The following ANKRD31 variants were observed in gnomAD, a reference collection of about 807,000 sequenced individuals.
The protein encoded by ANKRD31 is ankyrin repeat domain-containing protein 31.
In ANKRD31, 147 loss-of-function variants were observed where a neutral mutation model predicts 186.0. The ratio of observed to expected loss-of-function variants is 0.79; its 90% CI spans 0.69 to 0.91. ANKRD31 has a LOEUF of 0.91. ANKRD31 is among the 40% of genes least tolerant of loss of function. ANKRD31 has a pLI of 0.00. For synonymous variants in ANKRD31, 673 were observed against 736.4 expected (o/e 0.91, Z 1.39); for missense variants, 1,986 against 2,148.8 (o/e 0.92, Z 1.50).
intron 4 of ANKRD31, among the ~76,000 whole-genome samples, chr5:75,208,527 G>A (rs1756401394): frequency 6.6e-6 from 1 of 151,290 alleles, no homozygotes; most frequent in Admixed American, 6.6e-5. Flanking sequence ...AAAATAAAAT[G>A]GTCTTAAAAT....
rs368899709 is a variant in ANKRD31, at chr5:75,084,269, T to C, written c.5575+3A>G. The C allele has an allele frequency of 1.1e-3, 1,733 of 1,530,542 alleles. 2 individuals carry two copies. The highest frequency in any genetic ancestry group is 2.6e-3 in the South Asian group (216 of 83,924). The allele number at this position is 1,530,542 out of a possible 1,614,324, so 94.8% of individuals were successfully genotyped here. ...GAAGAAATGAGTGTTGTTCTGTACA[T>C]ACCTGGAAGACAAGGTTGATATTGC... On this transcript the variant is annotated splice_donor_region_variant and intron_variant, in intron 24 of 25. Transcript: ENST00000506364.
In ANKRD31 at chr5:75,130,554, T is replaced by G. The variant is rs1327142645; in HGVS notation, c.3876+7302A>C. 2.6e-5 allele frequency among the ~76,000 whole-genome samples: 4 copies of G among 152,334 alleles called. No homozygotes were observed. The East Asian group carries it at 5.8e-4, about 22-fold the overall frequency. On this transcript the variant is annotated intron_variant, in intron 17 of 25. Coordinates refer to ENST00000506364, the MANE Select transcript of ANKRD31 (RefSeq NM_001372053.1). ...GTGCTGATTGGTGCATTTACAAACC[T>G]TTAGCTAGACGTAGAGCGCTGATTG...
In ANKRD31 at chr5:75,114,855, G is replaced by T. The variant is rs1417671119; in HGVS notation, c.4155+1711C>A. ...GCCCAAGGTAATTTACAGATTCAAT[G>T]CCATCCCCATCAAGCTACCAATGAC... On this transcript the variant is annotated intron_variant, in intron 19 of 25. Coordinates refer to ENST00000506364, the MANE Select transcript of ANKRD31 (RefSeq NM_001372053.1). Among the ~76,000 whole-genome samples, 7 of 152,206 alleles carry T rather than the reference G, an allele frequency of 4.6e-5. No homozygotes were observed. The East Asian group carries it at 1.3e-3, about 29-fold the overall frequency.
chr5:75,142,629 G>A (rs1207480027), intron 15 of ANKRD31, among the ~76,000 whole-genome samples: 3 of 152,080 alleles, frequency 2.0e-5, no homozygotes, highest in South Asian at 2.1e-4. Flanking sequence ...AATACTTGTC[G>A]ATTCTTGACT....
intron 10 of ANKRD31, among the ~76,000 whole-genome samples, chr5:75,182,038 G>T (rs933650412): frequency 3.9e-5 from 6 of 152,028 alleles, no homozygotes; most frequent in African/African-American, 1.4e-4. Flanking sequence ...ATTTCAAGAT[G>T]GATAGATATC....
In ANKRD31 at chr5:75,114,159, T is replaced by C. The variant is rs143916148; in HGVS notation, c.4156-1559A>G. ...TTTTTTTTCAAAAGTTACCTTTACATGATGGGTTTCGCAGCAAAGTTTATT... is the reference window on the plus strand; with the variant it reads ...TTTTTTTTCAAAAGTTACCTTTACACGATGGGTTTCGCAGCAAAGTTTATT... On this transcript the variant is annotated intron_variant, in intron 19 of 25. Transcript: ENST00000506364. Among the ~76,000 whole-genome samples the C allele has an allele frequency of 2.5e-3, 375 of 152,286 alleles. 8 individuals carry two copies. In the East Asian group the frequency reaches 0.029, roughly 12 times the overall value.
rs149637003 is a variant in ANKRD31 at position 75,085,816 on chromosome 5, T to C, written c.5473-1442A>G. On this transcript the variant is annotated intron_variant, in intron 23 of 25. Coordinates refer to ENST00000506364, the MANE Select transcript of ANKRD31 (RefSeq NM_001372053.1). ...TATGAGGATTAAAAGAGATAATGCA[T>C]GAAAAGCATCTGGCATACTGTCTAG... 7.7e-4 allele frequency among the ~76,000 whole-genome samples: 118 copies of C among 152,342 alleles called. 1 individual carries two copies. Among genetic ancestry groups the C allele is most frequent in the African/African-American group, 2.7e-3 (112 of 41,586 alleles).
chr5:75,222,388 A>G (rs1404538829), intron 2 of ANKRD31, 30 bp from the exon 3 acceptor site: 34 of 1,474,512 alleles, frequency 2.3e-5, no homozygotes, highest in Non-Finnish European at 3.0e-5. Context: ...TAAATCATTT[A>G]CAACAGTTTT....
At chr5:75,217,922 C>A (rs757296095) in intron 3 of ANKRD31, among the ~76,000 whole-genome samples, 16 of 152,082 alleles carry the variant, frequency 1.1e-4, no homozygotes, top group Non-Finnish European at 1.8e-4. Context: ...TTTAGGGCTT[C>A]TTTTAGGAGC....
chr5:75,096,431 A>G (rs1456000823), intron 22 of ANKRD31, among the ~76,000 whole-genome samples: 1 of 152,080 alleles, frequency 6.6e-6, no homozygotes, highest in Non-Finnish European at 1.5e-5. Flanking sequence ...AGGTGGATAG[A>G]TTGCAAAATT....
intron 11 of ANKRD31, among the ~76,000 whole-genome samples, chr5:75,156,413 G>T (rs1752178050): frequency 1.3e-5 from 2 of 152,146 alleles, no homozygotes; most frequent in Non-Finnish European, 2.9e-5. Flanking sequence ...TGCAAAAAAA[G>T]TTAAAAATTA....
intron 17 of ANKRD31, among the ~76,000 whole-genome samples, chr5:75,121,736 G>T (rs979962563): frequency 6.6e-6 from 1 of 151,956 alleles, no homozygotes; most frequent in South Asian, 2.1e-4. Context: ...AATTAAGAAA[G>T]AATTAAAATA....
rs779061577 is a variant in ANKRD31 at position 75,140,265 on chromosome 5, AGGAAAG to A, written c.3596-1288_3596-1283del. Among the ~76,000 whole-genome samples, 3 of 39,140 alleles carry A rather than the reference AGGAAAG, an allele frequency of 7.7e-5. No individual in the cohort carries two copies. The South Asian group carries it at 3.6e-3, about 47-fold the overall frequency. 25.7% of individuals were successfully genotyped at this position (39,140 alleles called of 152,430 possible). A position where few individuals can be genotyped will look rare whatever the true frequency, so the allele number is the denominator to read the frequency against. ...AAGGAAGGAAGGAAGGAAGGAAGGA[AGGAAAG>A]AGAGAGAGAGAAAGAAAGGAAGGAA... On this transcript the variant is annotated intron_variant, in intron 15 of 25. Coordinates refer to ENST00000506364, the MANE Select transcript of ANKRD31 (RefSeq NM_001372053.1).
At chr5:75,089,684 C>A (rs565605597) in intron 23 of ANKRD31, among the ~76,000 whole-genome samples, 1 of 152,040 alleles carries the variant, frequency 6.6e-6, no homozygotes, top group South Asian at 2.1e-4. Flanking sequence ...TTTAAAACTC[C>A]GTTTTCATTT....
At position 75,192,657 on chromosome 5, in the gene ANKRD31, T is replaced by G. The variant is rs1755191284; in HGVS notation, c.1408+10A>C. On this transcript the variant is annotated intron_variant, in intron 9 of 25. Transcript: ENST00000506364. Reference sequence around the variant, plus strand: ...AAAAGAAATAGAAAAATACTCAAAATATGCATCACCTTTTTTTCCTGAAAA... The same window carrying G: ...AAAAGAAATAGAAAAATACTCAAAAGATGCATCACCTTTTTTTCCTGAAAA... 2 of 1,489,584 alleles carry G rather than the reference T, an allele frequency of 1.3e-6. No homozygotes were observed. The highest frequency in any genetic ancestry group is 9.0e-7 in the Non-Finnish European group (1 of 1,108,660). The allele number at this position is 1,489,584 out of a possible 1,614,324, so 92.3% of individuals were successfully genotyped here.
intron 23 of ANKRD31, among the ~76,000 whole-genome samples, chr5:75,087,301 C>T (rs1745570578): frequency 6.6e-6 from 1 of 151,970 alleles, no homozygotes; most frequent in Non-Finnish European, 1.5e-5. Context: ...CCCCTGAGGT[C>T]AGGAGTTTGA....
At chr5:75,157,859 G>T (rs1220879617) in intron 11 of ANKRD31, among the ~76,000 whole-genome samples, 4 of 152,180 alleles carry the variant, frequency 2.6e-5, no homozygotes, top group Admixed American at 2.6e-4. Context: ...AGATTTTAGA[G>T]ACAGTAAATA....
At position 75,105,134 on chromosome 5, in the gene ANKRD31, C is replaced by A; in HGVS notation, c.4425G>T (p.Val1475=). 6 of 1,536,702 alleles carry A rather than the reference C, an allele frequency of 3.9e-6. No homozygotes were observed. The highest frequency in any genetic ancestry group is 5.2e-6 in the Non-Finnish European group (6 of 1,146,760). ...GGCTTATTTTTTTCTGTTTTTTTGC[C>A]ACAACTAAAAGGCTCTTCTGTCTTG... ...LAARQKSLLV[V]AKKQKKISLK... is the part of the protein sequence containing the mutation. The change falls in exon 22 of 26, where the codon GTG becomes GTT. Residue 1475 remains valine, a synonymous_variant. Transcript: ENST00000506364.
At chr5:75,138,030 G>A in intron 16 of ANKRD31, 32 bp from the exon 17 acceptor site, 1 of 1,419,108 alleles carries the variant, frequency 7.0e-7, no homozygotes. Flanking sequence ...AAAAAACCCT[G>A]CTTCATGCGA....
Sources: gnomAD v4.1 joint callset for allele counts (sites outside exome capture counted in the v4.1 genomes callset) on GRCh38, gnomAD v4.1.1 for gene constraint, MANE v1.5 for transcripts, NCBI Gene and HGNC (gene_info 2026-07-23, HGNC 2026-07-21) for gene names.